The following ABCB11 variants were observed in gnomAD, a reference collection of about 807,000 sequenced individuals.
ABCB11 encodes the protein bile salt export pump.
ABCB11 carries 95 observed loss-of-function variants against 148.0 expected under a neutral mutation model. That is an observed-to-expected ratio of 0.64 (90% CI 0.54 to 0.76). ABCB11 has a LOEUF of 0.76. ABCB11 is among the 30% of genes least tolerant of loss of function. ABCB11 has a pLI of 0.00. For missense variants in ABCB11, 1,523 were observed against 1,617.8 expected (o/e 0.94, Z 1.01); for synonymous variants, 591 against 555.4 (o/e 1.06, Z -0.90).
Position 168,923,494 on chromosome 2 carries a change from G to C in ABCB11, c.*128C>G. Reference sequence around the variant, plus strand: ...CCGATGTAGGAAAATGACTGTAAAAGTAAAATATTAACATTCTTCTTTAAA... The same window carrying C: ...CCGATGTAGGAAAATGACTGTAAAACTAAAATATTAACATTCTTCTTTAAA... On this transcript the variant is annotated 3_prime_UTR_variant, in exon 28 of 28. Transcript: ENST00000650372. 2.4e-6 allele frequency: 2 copies of C among 843,036 alleles called. No individual in the cohort carries two copies. The highest frequency in any genetic ancestry group is 3.7e-6 in the Non-Finnish European group (2 of 541,306). The allele number at this position is 843,036 out of a possible 1,614,324, so 52.2% of individuals were successfully genotyped here.
In ABCB11 at chr2:168,923,541, C is replaced by A; in HGVS notation, c.*81G>T. 3 of 1,239,394 alleles carry A rather than the reference C, an allele frequency of 2.4e-6. No homozygotes were observed. Among genetic ancestry groups the A allele is most frequent in the South Asian group, 2.6e-5 (2 of 75,728 alleles). The allele number at this position is 1,239,394 out of a possible 1,614,324, so 76.8% of individuals were successfully genotyped here. A position where few individuals can be genotyped will look rare whatever the true frequency, so the allele number is the denominator to read the frequency against. Reference sequence around the variant, plus strand: ...TAAAGAAAAAACAATCCCAGCAATCCCTCCTGCTGGGATTGTTTTTTTCTT... The same window carrying A: ...TAAAGAAAAAACAATCCCAGCAATCACTCCTGCTGGGATTGTTTTTTTCTT... On this transcript the variant is annotated 3_prime_UTR_variant, in exon 28 of 28. Coordinates refer to ENST00000650372, the MANE Select transcript of ABCB11 (RefSeq NM_003742.4).
downstream of ABCB11, among the ~76,000 whole-genome samples, chr2:168,917,883 C>T (rs1406908005): frequency 6.6e-6 from 1 of 152,172 alleles, no homozygotes; most frequent in Non-Finnish European, 1.5e-5. Context: ...TTTGAGCTAA[C>T]ATGTGCTGTA....
At chr2:168,968,578 T>A (rs74443434) in intron 16 of ABCB11, 88 bp from the exon 17 acceptor site, 2 of 1,084,558 alleles carry the variant, frequency 1.8e-6, no homozygotes, top group Non-Finnish European at 1.3e-6. Context: ...TTGCTTAGAA[T>A]ATAATTACTA....
chr2:168,993,692 T>C lies in ABCB11; in HGVS notation c.783+19A>G, dbSNP rs774745951. ...AGGCAAATGTCTTCCCATGGAGAGA[T>C]GCAAAAAGACATTCTTACCAGACCA... On this transcript the variant is annotated intron_variant, in intron 8 of 27. Coordinates refer to ENST00000650372, the MANE Select transcript of ABCB11 (RefSeq NM_003742.4). The C allele has an allele frequency of 6.2e-7, 1 of 1,601,986 alleles. No individual in the cohort carries two copies. The highest frequency in any genetic ancestry group is 2.3e-5 in the East Asian group (1 of 44,392).
chr2:168,923,741 C>A lies in ABCB11; in HGVS notation c.3847G>T (p.Ala1283Ser). ...IAHRLSTIQN[A>S]DIIAVMAQGV... ...TGTGCCATGACAGCAATGATATCCG[C>A]GTTCTGGATGGTGGACAAGCGATGG... The change falls in exon 28 of 28, where the codon GCG becomes TCG. Residue 1283 changes from alanine to serine, a missense_variant. By Grantham distance (99) the Ala-to-Ser change is moderately conservative. Coordinates refer to ENST00000650372, the MANE Select transcript of ABCB11 (RefSeq NM_003742.4). The A allele has an allele frequency of 1.2e-6, 2 of 1,613,824 alleles. No homozygotes were observed. The highest frequency in any genetic ancestry group is 1.6e-4 in the Middle Eastern group (1 of 6,062).
chr2:168,995,483 C>G lies in ABCB11; in HGVS notation c.478-1G>C, dbSNP rs369174894. The G allele has an allele frequency of 6.2e-7, 1 of 1,608,990 alleles. No individual in the cohort carries two copies. The highest frequency in any genetic ancestry group is 1.3e-5 in the African/African-American group (1 of 74,634). On this transcript the variant is annotated splice_acceptor_variant, in intron 6 of 27. Coordinates refer to ENST00000650372, the MANE Select transcript of ABCB11 (RefSeq NM_003742.4). LOFTEE classifies it high-confidence loss of function. ...CTGCGGCAATGACCCAAAAGCATAT[C>G]TGGAAATGGACAAAGGAATGTTTAG... is the stretch of plus-strand genomic sequence containing the variant.
At chr2:168,953,042 A>C (rs539330621) in intron 19 of ABCB11, among the ~76,000 whole-genome samples, 4 of 151,714 alleles carry the variant, frequency 2.6e-5, no homozygotes, top group African/African-American at 9.6e-5. Flanking sequence ...ATTGATTTCT[A>C]GTTTTATTTC....
chr2:168,928,836 A>G (rs1288942426), intron 25 of ABCB11, among the ~76,000 whole-genome samples: 3 of 152,188 alleles, frequency 2.0e-5, no homozygotes, highest in Non-Finnish European at 2.9e-5. Flanking sequence ...AATACTTTCA[A>G]ACAAATTTAC....
intron 13 of ABCB11, among the ~76,000 whole-genome samples, chr2:168,973,050 A>C (rs947562246): frequency 6.6e-6 from 1 of 151,966 alleles, no homozygotes; most frequent in Admixed American, 6.6e-5. Context: ...GTTTCTTAGG[A>C]CTGCTCTCTC....
intron 2 of ABCB11, among the ~76,000 whole-genome samples, chr2:169,017,397 C>G (rs190238589): frequency 7.4e-4 from 112 of 152,186 alleles, no homozygotes; most frequent in African/African-American, 2.5e-3. Flanking sequence ...CTTTGTCATT[C>G]AACACTATCA....
Position 168,936,429 on chromosome 2 carries a change from G to A in ABCB11, c.2615C>T (p.Ala872Val). The A allele has an allele frequency of 6.2e-7, 1 of 1,613,796 alleles. No individual in the cohort carries two copies. Among genetic ancestry groups the A allele is most frequent in the Non-Finnish European group, 8.5e-7 (1 of 1,179,858 alleles). ...GACTATCATCCCGATCTGAGAGCCG[G>A]CAGCCTGCAAACCAAAAAGCAATCA... ...ATDASQVQGA[A>V]GSQIGMIVNS... Residue 872 changes from alanine to valine, a missense_variant, in exon 22 of 28, where the codon GCC (alanine) becomes GTC (valine). Transcript: ENST00000650372.
chr2:168,975,827 G>C (rs555673886), intron 12 of ABCB11, among the ~76,000 whole-genome samples: 2 of 148,726 alleles, frequency 1.3e-5, no homozygotes. Context: ...ATATATGATA[G>C]GTATGTGGTG....
At chr2:169,022,487 T>G (rs1350085424) in intron 1 of ABCB11, among the ~76,000 whole-genome samples, 2 of 151,950 alleles carry the variant, frequency 1.3e-5, no homozygotes, top group African/African-American at 4.8e-5. Flanking sequence ...ATATGAGTTA[T>G]CAAAATTTGT....
intron 19 of ABCB11, among the ~76,000 whole-genome samples, chr2:168,950,891 T>C (rs920168482): frequency 2.0e-5 from 3 of 151,758 alleles, no homozygotes; most frequent in African/African-American, 7.2e-5. Context: ...GGTTTTCTTC[T>C]AGTATTTTTA....
intron 17 of ABCB11, among the ~76,000 whole-genome samples, chr2:168,965,680 T>C (rs73972725): frequency 6.6e-6 from 1 of 151,928 alleles, no homozygotes; most frequent in African/African-American, 2.4e-5. Context: ...GTAAATGGTG[T>C]AAAGAGAGAG....
chr2:168,960,666 G>GA (rs1693033288), intron 18 of ABCB11, among the ~76,000 whole-genome samples: 1 of 151,270 alleles, frequency 6.6e-6, no homozygotes, highest in Admixed American at 6.6e-5. Context: ...TGACCCCCCC[G>GA]AAAAAATGCA....
chr2:168,969,600 GAC>G (rs781070408), intron 15 of ABCB11, 49 bp from the exon 16 acceptor site: 1 of 1,485,220 alleles, frequency 6.7e-7, no homozygotes, highest in Non-Finnish European at 9.3e-7. Context: ...AGACAGAGCT[GAC>G]ACTGACCTTT....
At chr2:169,008,338 G>A (rs981979838) in intron 5 of ABCB11, among the ~76,000 whole-genome samples, 1 of 152,046 alleles carries the variant, frequency 6.6e-6, no homozygotes, top group African/African-American at 2.4e-5. Flanking sequence ...GACACTCCTC[G>A]GCTGTGGCAA....
intron 17 of ABCB11, 65 bp downstream of exon 17, chr2:168,968,362 A>G (rs1693408048): frequency 2.1e-6 from 3 of 1,422,522 alleles, no homozygotes; most frequent in Non-Finnish European, 2.9e-6. Context: ...TCTGAGGATT[A>G]GGACTACAGA....
Sources: allele counts gnomAD v4.1 joint callset (sites outside exome capture counted in the v4.1 genomes callset), GRCh38; gene constraint gnomAD v4.1.1; transcripts MANE v1.5; gene names NCBI Gene and HGNC (gene_info 2026-07-23, HGNC 2026-07-21).